Variants in CBR4 observed in about 807,000 individuals in gnomAD.
CBR4 encodes 3-oxoacyl-[acyl-carrier-protein] reductase.
CBR4 carries 22 observed loss-of-function variants against 21.0 expected under a neutral mutation model. That is an observed-to-expected ratio of 1.05 (90% CI 0.75 to 1.50). The LOEUF (loss-of-function observed/expected upper bound fraction) is 1.50. Among genes scored for constraint, CBR4 ranks in the 40% most tolerant of loss-of-function variants. The pLI, the probability that CBR4 is intolerant of heterozygous loss-of-function variation, is 0.00. For synonymous variants in CBR4, 100 were observed against 104.4 expected (o/e 0.96, Z 0.26); for missense variants, 302 against 286.3 (o/e 1.05, Z -0.40).
intron 2 of CBR4, among the ~76,000 whole-genome samples, chr4:168,903,416 T>C (rs1474748079): frequency 6.6e-6 from 1 of 152,258 alleles, no homozygotes; most frequent in East Asian, 1.9e-4. Flanking sequence ...GGCCACTTCA[T>C]AGAAATAATG....
intron 3 of CBR4, among the ~76,000 whole-genome samples, 182 bp from the exon 4 acceptor site, chr4:169,002,387 T>G (rs963582170): frequency 6.6e-6 from 1 of 152,200 alleles, no homozygotes; most frequent in Non-Finnish European, 1.5e-5. Flanking sequence ...AGAGTCCAAG[T>G]CTGCTCCAGA....
At chr4:168,944,683 A>C (rs561429735) in intron 2 of CBR4, among the ~76,000 whole-genome samples, 3 of 152,364 alleles carry the variant, frequency 2.0e-5, no homozygotes, top group African/African-American at 4.8e-5. Flanking sequence ...ACATGGAAGA[A>C]TTTAATAGGA....
intron 3 of CBR4, among the ~76,000 whole-genome samples, chr4:169,003,638 C>G (rs1037862101): frequency 6.6e-6 from 1 of 151,952 alleles, no homozygotes; most frequent in Non-Finnish European, 1.5e-5. Flanking sequence ...AAATCTCTCA[C>G]GAAATGAAGA....
chr4:168,952,375 C>T (rs891755618), intron 2 of CBR4, among the ~76,000 whole-genome samples: 2 of 152,120 alleles, frequency 1.3e-5, no homozygotes, highest in Non-Finnish European at 2.9e-5. Flanking sequence ...TGGTGCCTCC[C>T]TGATCAGCTT....
downstream of CBR4, among the ~76,000 whole-genome samples, chr4:168,985,147 C>T (rs1469360363): frequency 6.6e-6 from 1 of 152,114 alleles, no homozygotes. Flanking sequence ...GCAAACTATG[C>T]ATCCAACAAA....
At chr4:168,957,195 C>G (rs1415331744) in intron 2 of CBR4, among the ~76,000 whole-genome samples, 1 of 152,128 alleles carries the variant, frequency 6.6e-6, no homozygotes, top group African/African-American at 2.4e-5. Context: ...GCCTTTATCA[C>G]TCAAAAGCTT....
chr4:168,926,107 T>G (rs1582262643), intron 2 of CBR4: 6 of 912,868 alleles, frequency 6.6e-6, no homozygotes, highest in Middle Eastern at 5.8e-4. Flanking sequence ...ATGGATGTGT[T>G]CAGGTGCCTT....
intron 4 of CBR4, among the ~76,000 whole-genome samples, chr4:169,000,586 G>T (rs7667478): frequency 6.6e-6 from 1 of 152,172 alleles, no homozygotes; most frequent in African/African-American, 2.4e-5. Flanking sequence ...TTCTTACAAA[G>T]GACCAGCAAA....
At chr4:168,949,972 G>A (rs931597518) in intron 2 of CBR4, among the ~76,000 whole-genome samples, 10 of 151,908 alleles carry the variant, frequency 6.6e-5, no homozygotes, top group African/African-American at 9.7e-5. Flanking sequence ...CTCCCATTTC[G>A]TTTCTTATTG....
chr4:168,993,885 A>T (rs556644144), intron 4 of CBR4, among the ~76,000 whole-genome samples: 11 of 152,132 alleles, frequency 7.2e-5, no homozygotes, highest in African/African-American at 2.2e-4. Flanking sequence ...TTTTGTGGTT[A>T]AAAAAAACCA....
chr4:168,968,563 G>C (rs1764111153), intron 2 of CBR4, among the ~76,000 whole-genome samples: 1 of 152,200 alleles, frequency 6.6e-6, no homozygotes, highest in African/African-American at 2.4e-5. Context: ...AGTACCACAG[G>C]CTGTGTTCAT....
chr4:168,945,846 A>C (rs1288340206), intron 2 of CBR4, among the ~76,000 whole-genome samples: 2 of 152,224 alleles, frequency 1.3e-5, no homozygotes, highest in African/African-American at 4.8e-5. Context: ...AATCCAAAAG[A>C]ACAAGAAAGA....
At chr4:168,965,972 G>A (rs1764013521) in intron 2 of CBR4, among the ~76,000 whole-genome samples, 1 of 151,954 alleles carries the variant, frequency 6.6e-6, no homozygotes, top group Admixed American at 6.6e-5. Context: ...CTACAGAATG[G>A]GAGAAAATAT....
downstream of CBR4, among the ~76,000 whole-genome samples, chr4:168,983,603 A>G (rs1177049990): frequency 6.6e-6 from 1 of 151,908 alleles, no homozygotes; most frequent in Non-Finnish European, 1.5e-5. Context: ...AGACATAATG[A>G]AAAAAAAGAA....
At chr4:168,914,002 G>A (rs774093526) in intron 2 of CBR4, 1 of 1,607,316 alleles carries the variant, frequency 6.2e-7, no homozygotes, top group Non-Finnish European at 8.5e-7. Flanking sequence ...GTCTCCCTCA[G>A]GCCATCCTCA....
chr4:168,895,935 G>A (rs12513004), intron 2 of CBR4, among the ~76,000 whole-genome samples: 79,920 of 152,162 alleles, frequency 0.53, 24,451 homozygotes, highest in East Asian at 0.88. Flanking sequence ...AAGGCGGGGC[G>A]CAGTGGCTTA....
intron 2 of CBR4, among the ~76,000 whole-genome samples, chr4:168,899,983 G>A (rs72704225): frequency 0.012 from 1,874 of 152,200 alleles, 38 homozygotes; most frequent in Admixed American, 0.037. Context: ...ATACAGAAGT[G>A]TAGTACCAGA....
At chr4:168,982,460 A>C (rs1764573170) in intron 2 of CBR4, among the ~76,000 whole-genome samples, 1 of 152,102 alleles carries the variant, frequency 6.6e-6, no homozygotes, top group African/African-American at 2.4e-5. Flanking sequence ...GATAACCATA[A>C]ACTAATAGTA....
intron 2 of CBR4, chr4:168,921,570 C>A (rs1221108877): frequency 6.2e-7 from 1 of 1,608,694 alleles, no homozygotes. Context: ...AAGCTGGCAA[C>A]TAGATGGAAA....
Sources: gnomAD v4.1 joint callset for allele counts (sites outside exome capture counted in the v4.1 genomes callset) on GRCh38, gnomAD v4.1.1 for gene constraint, MANE v1.5 for transcripts, NCBI Gene and HGNC (gene_info 2026-07-23, HGNC 2026-07-21) for gene names.